The following SYBU variants were observed in gnomAD, a reference collection of about 807,000 sequenced individuals.
The protein encoded by SYBU is syntabulin.
SYBU carries 21 observed loss-of-function variants against 35.9 expected under a neutral mutation model. The ratio of observed to expected loss-of-function variants is 0.58; its 90% CI spans 0.41 to 0.84. The LOEUF (loss-of-function observed/expected upper bound fraction) is 0.84, where lower values mean the gene tolerates loss of function less well. Among genes scored for constraint, SYBU ranks in the 40% least tolerant of loss-of-function variants. SYBU has a pLI of 0.00. For synonymous variants in SYBU, 319 were observed against 324.3 expected (o/e 0.98, Z 0.18); for missense variants, 768 against 848.2 (o/e 0.91, Z 1.17).
chr8:109,677,274 C>A (rs930543154), intron 1 of SYBU, among the ~76,000 whole-genome samples: 5 of 152,122 alleles, frequency 3.3e-5, no homozygotes, highest in Non-Finnish European at 7.4e-5. Context: ...AAAATATGAA[C>A]ACACACAAAT....
chr8:109,664,076 C>A (rs1416284941), intron 1 of SYBU, among the ~76,000 whole-genome samples: 2 of 151,836 alleles, frequency 1.3e-5, no homozygotes, highest in Non-Finnish European at 2.9e-5. Context: ...AAATCACATA[C>A]AATGTATTTA....
intron 1 of SYBU, among the ~76,000 whole-genome samples, chr8:109,686,934 A>G (rs1817531271): frequency 6.6e-6 from 1 of 152,150 alleles, no homozygotes; most frequent in African/African-American, 2.4e-5. Context: ...AATCTCTCTC[A>G]CATCCCACCA....
chr8:109,604,872 G>A (rs541711688), intron 3 of SYBU, among the ~76,000 whole-genome samples: 25 of 152,326 alleles, frequency 1.6e-4, no homozygotes, highest in African/African-American at 5.3e-4. Context: ...AGTCAGGCCC[G>A]CCAGTAGTCT....
chr8:109,634,410 T>A (rs1221736010), intron 2 of SYBU, among the ~76,000 whole-genome samples: 1 of 152,224 alleles, frequency 6.6e-6, no homozygotes, highest in Admixed American at 6.5e-5. Flanking sequence ...CTAACCAAGC[T>A]ATTTAATAGA....
chr8:109,604,053 T>C (rs1334199118), intron 3 of SYBU, among the ~76,000 whole-genome samples: 2 of 151,774 alleles, frequency 1.3e-5, no homozygotes, highest in Non-Finnish European at 2.9e-5. Flanking sequence ...AACAAATGCT[T>C]ATCAGAGAGA....
chr8:109,618,914 C>CA lies in SYBU; in HGVS notation c.354dup (p.Gly119TrpfsTer5). The stretch of plus-strand genomic sequence containing the variant: ...TGAATGCTTCCTTCACCAACCATTC[C>CA]AATCGTGCATTTCTTTCTGGTGAAG... On this transcript the variant is annotated frameshift_variant, in exon 3 of 7. Transcript: ENST00000276646. LOFTEE classifies it high-confidence loss of function. 1 of 1,614,182 alleles carries CA rather than the reference C, an allele frequency of 6.2e-7. No homozygotes were observed. The highest frequency in any genetic ancestry group is 8.5e-7 in the Non-Finnish European group (1 of 1,180,018).
chr8:109,671,173 CA>C (rs547837340), intron 1 of SYBU, among the ~76,000 whole-genome samples: 11 of 151,238 alleles, frequency 7.3e-5, no homozygotes, highest in Admixed American at 2.6e-4. Flanking sequence ...AATTTCCATG[CA>C]AAAAAAATAT....
At chr8:109,689,878 G>A (rs899305329) in intron 1 of SYBU, among the ~76,000 whole-genome samples, 1 of 147,202 alleles carries the variant, frequency 6.8e-6, no homozygotes, top group African/African-American at 2.5e-5. Flanking sequence ...GAGACAGCTG[G>A]TTCTAAGTGT....
intron 6 of SYBU, among the ~76,000 whole-genome samples, chr8:109,576,472 A>C (rs1563671542): frequency 6.6e-6 from 1 of 152,108 alleles, no homozygotes; most frequent in Non-Finnish European, 1.5e-5. Flanking sequence ...TCCATATCCT[A>C]CCCTTTCCAA....
At chr8:109,578,058 T>G in intron 5 of SYBU, 41 bp from the exon 6 acceptor site, 1 of 1,580,690 alleles carries the variant, frequency 6.3e-7, no homozygotes, top group South Asian at 1.2e-5. Flanking sequence ...TTTTGCCGTT[T>G]CCTTTTCTAT....
At position 109,677,873 on chromosome 8, in the gene SYBU, A is replaced by C. The variant is rs565882139; in HGVS notation, c.-129+2838T>G. Reference sequence around the variant, plus strand: ...TGGAAAAGTAAGTCCGGGAGCTCACACCTGTAATCCCAGCACTTTGGCAGG... The same window carrying C: ...TGGAAAAGTAAGTCCGGGAGCTCACCCCTGTAATCCCAGCACTTTGGCAGG... On this transcript the variant is annotated intron_variant, in intron 1 of 5. Transcript: ENST00000408889. Among the ~76,000 whole-genome samples, 15 of 152,202 alleles carry C rather than the reference A, an allele frequency of 9.9e-5. No individual in the cohort carries two copies. In the South Asian group the frequency reaches 3.1e-3, roughly 32 times the overall value.
chr8:109,645,997 G>A (rs954691432), upstream of SYBU: 1 of 152,210 alleles, frequency 6.6e-6, no homozygotes. Context: ...GTCAATATTT[G>A]TTGATGCCTT....
chr8:109,597,818 T>C (rs943013559), intron 3 of SYBU, among the ~76,000 whole-genome samples: 6 of 152,242 alleles, frequency 3.9e-5, no homozygotes, highest in African/African-American at 1.4e-4. Flanking sequence ...TAAGCATCTA[T>C]GTGTTAGAGC....
At chr8:109,598,474 TA>T (rs1183040760) in intron 3 of SYBU, among the ~76,000 whole-genome samples, 1 of 152,178 alleles carries the variant, frequency 6.6e-6, no homozygotes, top group Non-Finnish European at 1.5e-5. Context: ...TCTCTATGCC[TA>T]AGTTTACTCA....
At chr8:109,671,815 G>C (rs374917463) in intron 1 of SYBU, among the ~76,000 whole-genome samples, 1 of 152,090 alleles carries the variant, frequency 6.6e-6, no homozygotes, top group East Asian at 1.9e-4. Context: ...TAAAAATGAG[G>C]ATGGCATGTT....
rs186062549 is a variant in SYBU at position 109,605,196 on chromosome 8, A to G, written c.427+13646T>C. Reference sequence around the variant, plus strand: ...CATCAGAGCATGTGCATGTGTGACTAATAACAATGGAATAGAAAGTGGGGC... The same window carrying G: ...CATCAGAGCATGTGCATGTGTGACTGATAACAATGGAATAGAAAGTGGGGC... On this transcript the variant is annotated intron_variant, in intron 3 of 6. Coordinates refer to ENST00000276646, the MANE Select transcript of SYBU (RefSeq NM_001099754.2). Among the ~76,000 whole-genome samples the G allele has an allele frequency of 1.2e-4, 18 of 152,352 alleles. No individual in the cohort carries two copies. The East Asian group carries it at 3.5e-3, about 29-fold the overall frequency.
At chr8:109,679,025 C>T (rs1264987735) in intron 1 of SYBU, among the ~76,000 whole-genome samples, 5 of 152,120 alleles carry the variant, frequency 3.3e-5, no homozygotes, top group African/African-American at 1.2e-4. Context: ...GCTGATAAAA[C>T]AGGATGCGGT....
intron 1 of SYBU, 151 bp downstream of exon 1, chr8:109,644,485 G>T: frequency 1.1e-6 from 1 of 874,978 alleles, no homozygotes; most frequent in Non-Finnish European, 1.8e-6. Flanking sequence ...CCTAAGCAAT[G>T]CCTCCTGCCT....
At chr8:109,649,734 A>G (rs905582077), upstream of SYBU, among the ~76,000 whole-genome samples, 1 of 152,224 alleles carries the variant, frequency 6.6e-6, no homozygotes, top group Non-Finnish European at 1.5e-5. Context: ...TGTCAAAAAC[A>G]TAGGCACGGT....
Sources: gnomAD v4.1 joint callset for allele counts (sites outside exome capture counted in the v4.1 genomes callset) on GRCh38, gnomAD v4.1.1 for gene constraint, MANE v1.5 for transcripts, NCBI Gene and HGNC (gene_info 2026-07-23, HGNC 2026-07-21) for gene names.